Variants in HDLBP observed in about 807,000 individuals in gnomAD.
The protein encoded by HDLBP is high density lipoprotein binding protein.
HDLBP carries 30 observed loss-of-function variants against 137.3 expected under a neutral mutation model. That is an observed-to-expected ratio of 0.22 (90% CI 0.16 to 0.30). The LOEUF is 0.30. Ranked by LOEUF, HDLBP falls within the 10% of genes least tolerant of loss-of-function variation. The pLI, the probability that HDLBP is intolerant of heterozygous loss-of-function variation, is 1.00. For synonymous variants in HDLBP, 606 were observed against 596.0 expected, an observed-to-expected ratio of 1.02 and a Z score of -0.24; for missense variants, 1,119 against 1,667.3, an observed-to-expected ratio of 0.67 and a Z score of 5.73.
intron 1 of HDLBP, among the ~76,000 whole-genome samples, chr2:241,282,358 G>T (rs2074640121): frequency 6.6e-6 from 1 of 152,214 alleles, no homozygotes; most frequent in African/African-American, 2.4e-5. Flanking sequence ...AAAAGTGTGG[G>T]AAAACAGGTG....
intron 5 of HDLBP, among the ~76,000 whole-genome samples, chr2:241,260,659 AG>A (rs994484687): frequency 1.3e-5 from 2 of 152,238 alleles, no homozygotes; most frequent in Middle Eastern, 3.2e-3. Context: ...AAGCACTGAT[AG>A]GGAACTTTAC....
chr2:241,228,652 T>G lies in HDLBP; in HGVS notation c.*949A>C, dbSNP rs1370628821. The G allele has an allele frequency of 6.6e-6, 1 of 152,360 alleles. No individual in the cohort carries two copies. The highest frequency in any genetic ancestry group is 2.4e-5 in the African/African-American group (1 of 41,314). The allele number at this position is 152,360 out of a possible 1,614,324, so 9.4% of individuals were successfully genotyped here. On this transcript the variant is annotated 3_prime_UTR_variant, in exon 28 of 28. Transcript: ENST00000310931. ...TCAATCAAGAGACGGGTGTGTGGGG[T>G]GGCACTAACTGCACAGAGACCACTC...
chr2:241,231,107 G>A (rs1053411377), intron 24 of HDLBP, 163 bp from the exon 25 acceptor site: 16 of 633,560 alleles, frequency 2.5e-5, no homozygotes, highest in Admixed American at 1.1e-4. Flanking sequence ...ACTCAGGGCC[G>A]GGCACGGTGG....
chr2:241,276,307 T>C (rs564548976), intron 1 of HDLBP, among the ~76,000 whole-genome samples: 41 of 152,302 alleles, frequency 2.7e-4, no homozygotes, highest in African/African-American at 9.6e-4. Context: ...TTATTGGCAA[T>C]GTTCTAGATC....
chr2:241,267,019 A>C, intron 2 of HDLBP, 113 bp from the exon 3 acceptor site: 1 of 745,496 alleles, frequency 1.3e-6, no homozygotes, highest in Non-Finnish European at 2.3e-6. Flanking sequence ...AGCAAACTAT[A>C]CCTTTTTATT....
In HDLBP at chr2:241,236,642, C is replaced by T; in HGVS notation, c.2877G>A (p.Lys959=). ...CCAGAGCTTCCTTGGCAGCCTCACA[C>T]TTTTCTTTCCGGCCAGAGATGATGA... The part of the protein sequence containing the change: ...DIIIISGRKE[K]CEAAKEALEA... The change falls in exon 21 of 28, where the codon AAG becomes AAA. Residue 959 remains lysine, a synonymous_variant. Coordinates refer to ENST00000310931, the MANE Select transcript of HDLBP (RefSeq NM_005336.6). The T allele has an allele frequency of 6.2e-7, 1 of 1,614,152 alleles. No homozygotes were observed. The highest frequency in any genetic ancestry group is 8.5e-7 in the Non-Finnish European group (1 of 1,180,018).
intron 12 of HDLBP, chr2:241,249,482 G>A (rs1008652163): frequency 1.4e-5 from 7 of 494,396 alleles, no homozygotes; most frequent in African/African-American, 5.9e-5. Flanking sequence ...AGTGATCCTC[G>A]AGTCTGGCCT....
In HDLBP at chr2:241,242,673, G is replaced by A; in HGVS notation, c.1956C>T (p.Asn652=). The change falls in exon 17 of 28, where the codon AAC becomes AAT. Residue 652 remains asparagine, a synonymous_variant. Coordinates refer to ENST00000310931, the MANE Select transcript of HDLBP (RefSeq NM_005336.6). ...RILSIQKDLA[N]IAEVEVSIPA... ...GGATGGAGACCTCTACCTCGGCTAT[G>A]TTGGCCTGAAACCAAACACAGGGCA... The A allele has an allele frequency of 1.1e-5, 18 of 1,613,344 alleles. No homozygotes were observed. The highest frequency in any genetic ancestry group is 1.5e-5 in the Non-Finnish European group (18 of 1,179,666).
chr2:241,232,984 A>G (rs1408753424), intron 24 of HDLBP, among the ~76,000 whole-genome samples: 2 of 144,256 alleles, frequency 1.4e-5, no homozygotes, highest in Non-Finnish European at 3.1e-5. Context: ...CTGGGGAGGA[A>G]GAAGGGGAAG....
At chr2:241,302,088 C>CAAA (rs35141608) in intron 1 of HDLBP, among the ~76,000 whole-genome samples, 1 of 118,814 alleles carries the variant, frequency 8.4e-6, no homozygotes. Context: ...CCCATCTCTA[C>CAAA]AAAAAAAAAA....
At chr2:241,262,164 TCTC>T (rs2073250114) in intron 5 of HDLBP, among the ~76,000 whole-genome samples, 3 of 152,332 alleles carry the variant, frequency 2.0e-5, no homozygotes, top group South Asian at 4.1e-4. Flanking sequence ...GAACTTGTAA[TCTC>T]CTCAATTTGG....
intron 1 of HDLBP, chr2:241,269,072 A>G (rs1181887024): frequency 6.6e-6 from 1 of 152,200 alleles, no homozygotes; most frequent in Non-Finnish European, 1.5e-5. Context: ...TTAGCCTGTA[A>G]AAGTCCTTCA....
At chr2:241,241,308 C>T (rs2071189073) in intron 17 of HDLBP, among the ~76,000 whole-genome samples, 1 of 152,122 alleles carries the variant, frequency 6.6e-6, no homozygotes, top group South Asian at 2.1e-4. Context: ...TGGCTCACGC[C>T]TGTAATCCCA....
chr2:241,297,810 T>C (rs1355861083), intron 1 of HDLBP, among the ~76,000 whole-genome samples: 1 of 151,940 alleles, frequency 6.6e-6, no homozygotes. Flanking sequence ...CCCAGCACTT[T>C]GGGAGGCCAA....
In HDLBP at chr2:241,246,617, C is replaced by T. The variant is rs779058989; in HGVS notation, c.1950+135G>A. On this transcript the variant is annotated intron_variant, in intron 16 of 27. Transcript: ENST00000310931. ...AACTGCTGACCAACTCATCAGTAGC[C>T]TGGATTGAAAGGTGCAATCTTCCAC... 3.5e-4 allele frequency: 294 copies of T among 849,034 alleles called. 1 individual carries two copies. Among genetic ancestry groups the T allele is most frequent in the Non-Finnish European group, 4.2e-4 (226 of 536,212 alleles). The allele number at this position is 849,034 out of a possible 1,614,324, so 52.6% of individuals were successfully genotyped here. A position where few individuals can be genotyped will look rare whatever the true frequency, so the allele number is the denominator to read the frequency against.
chr2:241,294,867 G>A lies in HDLBP; in HGVS notation c.-103+20703C>T, dbSNP rs533070069. 2.0e-5 allele frequency among the ~76,000 whole-genome samples: 3 copies of A among 152,260 alleles called. No individual in the cohort carries two copies. The East Asian group carries it at 5.8e-4, about 29-fold the overall frequency. On this transcript the variant is annotated intron_variant, in intron 1 of 27. Transcript: ENST00000310931. ...TGTAATCCCAGCACTTTGGGAGGCC[G>A]AGACAGGTGGGTCACCTGAGGTCAG...
At chr2:241,247,183 A>G in intron 14 of HDLBP, 41 bp from the exon 15 acceptor site, 1 of 1,291,746 alleles carries the variant, frequency 7.7e-7, no homozygotes, top group African/African-American at 1.5e-5. Context: ...CACCTGTGCT[A>G]GAGAGTAAAA....
At chr2:241,281,312 C>T (rs996304126) in intron 1 of HDLBP, among the ~76,000 whole-genome samples, 2 of 151,134 alleles carry the variant, frequency 1.3e-5, no homozygotes, top group African/African-American at 4.9e-5. Flanking sequence ...CGAGATCGCG[C>T]CATTGCACTC....
In HDLBP at chr2:241,293,089, A is replaced by C. The variant is rs138900961; in HGVS notation, c.-103+22481T>G. On this transcript the variant is annotated intron_variant, in intron 1 of 27. Coordinates refer to ENST00000310931, the MANE Select transcript of HDLBP (RefSeq NM_005336.6). ...GTCTACAGAGCACTGCTAAAGCTAC[A>C]CTCACAGGGTGAATCAAACTTGTAA... is the stretch of plus-strand genomic sequence containing the variant. 8.2e-4 allele frequency among the ~76,000 whole-genome samples: 125 copies of C among 152,320 alleles called. 1 individual carries two copies. The highest frequency in any genetic ancestry group is 2.8e-3 in the African/African-American group (117 of 41,566).
Sources: allele counts gnomAD v4.1 joint callset (sites outside exome capture counted in the v4.1 genomes callset), GRCh38; gene constraint gnomAD v4.1.1; transcripts MANE v1.5; gene names NCBI Gene and HGNC (gene_info 2026-07-23, HGNC 2026-07-21).